SPEN: variants seen among roughly 807,000 people sequenced by gnomAD.
SPEN encodes the protein spen family transcriptional repressor.
SPEN carries 18 observed loss-of-function variants against 269.9 expected under a neutral mutation model. That is an observed-to-expected ratio of 0.07 (90% CI 0.05 to 0.10). The LOEUF (loss-of-function observed/expected upper bound fraction) is 0.10, where lower values mean the gene tolerates loss of function less well. Ranked by LOEUF, SPEN falls within the 10% of genes least tolerant of loss-of-function variation. The probability of loss-of-function intolerance (pLI) is 1.00; values close to 1 mark genes in which losing one functional copy is unlikely to be tolerated. For synonymous variants in SPEN, 1,726 were observed against 1,765.7 expected (o/e 0.98, Z 0.56); for missense variants, 3,822 against 4,631.2 (o/e 0.83, Z 5.07).
chr1:15,898,309 A>C (rs2148722597), intron 3 of SPEN, among the ~76,000 whole-genome samples: 1 of 152,122 alleles, frequency 6.6e-6, no homozygotes, highest in Non-Finnish European at 1.5e-5. Flanking sequence ...ATCTATCTCC[A>C]GAACTTTTTC....
intron 3 of SPEN, 54 bp downstream of exon 3, chr1:15,876,732 A>C: frequency 2.9e-4 from 369 of 1,286,480 alleles, no homozygotes; most frequent in Non-Finnish European, 3.7e-4. Flanking sequence ...ACAAATTCTC[A>C]ACAATCAGTG....
chr1:15,938,926 G>A, intron 14 of SPEN, 50 bp downstream of exon 14: 2 of 1,590,358 alleles, frequency 1.3e-6, no homozygotes, highest in Non-Finnish European at 1.7e-6. Context: ...AGGTGGGGCT[G>A]ATCAGGGTAG....
intron 10 of SPEN, among the ~76,000 whole-genome samples, chr1:15,926,378 T>TATAC (rs1302208160): frequency 1.4e-5 from 2 of 143,476 alleles, no homozygotes; most frequent in Admixed American, 7.0e-5. Flanking sequence ...AGCTCAGATA[T>TATAC]ATACATACAC....
chr1:15,910,620 GTTTTTTGTTTT>G (rs2071003242), intron 4 of SPEN, among the ~76,000 whole-genome samples: 1 of 145,296 alleles, frequency 6.9e-6, no homozygotes, highest in South Asian at 2.1e-4. Flanking sequence ...CTTTCCTACT[GTTTTTTGTTTT>G]TTTTTTTACC....
chr1:15,859,204 G>A (rs1182808826), intron 1 of SPEN, among the ~76,000 whole-genome samples: 9 of 147,428 alleles, frequency 6.1e-5, no homozygotes, highest in Non-Finnish European at 1.3e-4. Flanking sequence ...CAGTGCAGTG[G>A]CTATACACAG....
rs2071225059 is a variant in SPEN at position 15,931,941 on chromosome 1, C to T, written c.5701C>T (p.Arg1901Cys). Residue 1901 changes from arginine (R) to cysteine (C), a missense_variant, in exon 11 of 15, where the codon CGC (arginine) becomes TGC (cysteine). Coordinates refer to ENST00000375759, the MANE Select transcript of SPEN (RefSeq NM_015001.3). The surrounding 1 kb of genome is among the most constrained non-coding windows in gnomAD (Gnocchi z 4.8). ...EPSLPLSRTRRRNVRSVYATM... is the reference protein window; with the variant it reads ...EPSLPLSRTRCRNVRSVYATM... ...AAGTTTGCCTCTCAGCCGAACAAGG[C>T]GCCGGAATGTAAGGAGCGTCTATGC... is the stretch of plus-strand genomic sequence containing the variant. The T allele has an allele frequency of 2.5e-6, 4 of 1,614,042 alleles. No homozygotes were observed. Among genetic ancestry groups the T allele is most frequent in the African/African-American group, 1.3e-5 (1 of 74,912 alleles).
chr1:15,930,463 T>C lies in SPEN; in HGVS notation c.4223T>C (p.Leu1408Ser). 6.2e-7 allele frequency: 1 copy of C among 1,614,204 alleles called. No individual in the cohort carries two copies. The highest frequency in any genetic ancestry group is 8.5e-7 in the Non-Finnish European group (1 of 1,180,032). ...LYESSRLSFL[L>S]RDREDKLRER... The stretch of plus-strand genomic sequence containing the variant: ...GAAAGTTCTCGATTGTCTTTTTTAT[T>C]GAGGGACAGAGAAGACAAGCTACGT... The change falls in exon 11 of 15, where the codon TTG (leucine) becomes TCG (serine). Residue 1408 changes from leucine (L) to serine (S), a missense_variant. By Grantham distance (145) the Leu-to-Ser change is moderately radical. Transcript: ENST00000375759. The surrounding 1 kb of genome is among the most constrained non-coding windows in gnomAD (Gnocchi z 5.3).
intron 1 of SPEN, among the ~76,000 whole-genome samples, chr1:15,865,624 G>A (rs2070498573): frequency 1.3e-5 from 2 of 151,344 alleles, no homozygotes; most frequent in Admixed American, 1.3e-4. Flanking sequence ...GGGTTTCACC[G>A]TATTGCCCCC....
rs1272841956 is a variant in SPEN at position 15,939,659 on chromosome 1, A to G, written c.*232A>G. 4 of 398,610 alleles carry G rather than the reference A, an allele frequency of 1.0e-5. No homozygotes were observed. Among genetic ancestry groups the G allele is most frequent in the Non-Finnish European group, 1.7e-5 (4 of 228,628 alleles). 24.7% of individuals were successfully genotyped at this position (398,610 alleles called of 1,614,324 possible). On this transcript the variant is annotated 3_prime_UTR_variant, in exon 15 of 15. Coordinates refer to ENST00000375759, the MANE Select transcript of SPEN (RefSeq NM_015001.3). The surrounding 1 kb of genome is among the most constrained non-coding windows in gnomAD (Gnocchi z 4.1). Reference sequence around the variant, plus strand: ...TAGCCCAAGGACACATCACCAACCCATGGACTCGCAGACACCGGGGCTGGG... The same window carrying G: ...TAGCCCAAGGACACATCACCAACCCGTGGACTCGCAGACACCGGGGCTGGG...
chr1:15,861,257 A>C (rs2070445458), intron 1 of SPEN, among the ~76,000 whole-genome samples: 2 of 150,066 alleles, frequency 1.3e-5, no homozygotes, highest in African/African-American at 2.5e-5. Flanking sequence ...TCAGCCTCCC[A>C]AGTACCTAGG....
At position 15,930,338 on chromosome 1, in the gene SPEN, A is replaced by T; in HGVS notation, c.4098A>T (p.Arg1366=). 6.2e-7 allele frequency: 1 copy of T among 1,613,776 alleles called. No individual in the cohort carries two copies. The highest frequency in any genetic ancestry group is 1.1e-5 in the South Asian group (1 of 91,036). The stretch of plus-strand genomic sequence containing the variant: ...GCATAATTAAGAGAGATAGCCTTCG[A>T]AAAAGGTCTGTACGAGATCTGGAAC... ...PNSIIKRDSL[R]KRSVRDLEPG... The change falls in exon 11 of 15, where the codon CGA becomes CGT. Residue 1366 remains arginine, a synonymous_variant. Transcript: ENST00000375759. This position sits in a 1 kb window ranked among gnomAD's most constrained non-coding sequence, Gnocchi z 5.3.
intron 1 of SPEN, among the ~76,000 whole-genome samples, chr1:15,849,238 G>A (rs991015003): frequency 2.0e-5 from 3 of 152,198 alleles, no homozygotes; most frequent in Non-Finnish European, 4.4e-5. Flanking sequence ...GACCCTGGAA[G>A]GTTTTAAGTT....
chr1:15,874,956 C>CT (rs1235230899), intron 2 of SPEN, among the ~76,000 whole-genome samples: 1 of 152,114 alleles, frequency 6.6e-6, no homozygotes, highest in Non-Finnish European at 1.5e-5. Flanking sequence ...TAAGCATGTA[C>CT]TGGGGATCTG....
chr1:15,885,828 G>A (rs2070731686), intron 3 of SPEN, among the ~76,000 whole-genome samples: 1 of 152,182 alleles, frequency 6.6e-6, no homozygotes, highest in Non-Finnish European at 1.5e-5. Flanking sequence ...CCCATCAGTG[G>A]CAGACAAACT....
chr1:15,883,932 C>G (rs2070712693), intron 3 of SPEN, among the ~76,000 whole-genome samples: 1 of 151,370 alleles, frequency 6.6e-6, no homozygotes, highest in Admixed American at 6.6e-5. Flanking sequence ...GCCTCAGCCT[C>G]CCGAGTAGCT....
Position 15,848,238 on chromosome 1 carries a change from G to A in SPEN, c.83+88G>A. On this transcript the variant is annotated intron_variant, in intron 1 of 14. Transcript: ENST00000375759. This position sits in a 1 kb window ranked among gnomAD's most constrained non-coding sequence, Gnocchi z 5.1. Reference sequence around the variant, plus strand: ...TTGCCGGCCCCTCCCGGAGCGCGGAGCTGGTGAGGAGGACTCCGGCCCGGA... The same window carrying A: ...TTGCCGGCCCCTCCCGGAGCGCGGAACTGGTGAGGAGGACTCCGGCCCGGA... The A allele has an allele frequency of 1.0e-6, 1 of 997,056 alleles. No homozygotes were observed. Among genetic ancestry groups the A allele is most frequent in the Non-Finnish European group, 1.4e-6 (1 of 714,630 alleles). The allele number at this position is 997,056 out of a possible 1,614,324, so 61.8% of individuals were successfully genotyped here.
Position 15,932,557 on chromosome 1 carries a change from C to T in SPEN, c.6317C>T (p.Ala2106Val), listed in dbSNP as rs771321498. 31 of 1,598,820 alleles carry T rather than the reference C, an allele frequency of 1.9e-5. No homozygotes were observed. The highest frequency in any genetic ancestry group is 2.6e-5 in the Non-Finnish European group (30 of 1,171,038). Reference protein sequence around the residue: ...VDAAVSPRGAAAQAGERESGV... With the variant: ...VDAAVSPRGAVAQAGERESGV... The stretch of plus-strand genomic sequence containing the variant: ...GCTGCTGTCAGTCCCAGGGGGGCTG[C>T]AGCACAGGCAGGGGAGAGGGAATCT... The change falls in exon 11 of 15, where the codon GCA (alanine) becomes GTA (valine). Residue 2106 changes from alanine (A) to valine (V), a missense_variant. This residue lies in a region of SPEN where 727 missense variants were observed against 737.9 expected (regional missense o/e 0.99). Coordinates refer to ENST00000375759, the MANE Select transcript of SPEN (RefSeq NM_015001.3). This position sits in a 1 kb window ranked among gnomAD's most constrained non-coding sequence, Gnocchi z 4.2.
At chr1:15,892,509 A>T (rs2070800045) in intron 3 of SPEN, among the ~76,000 whole-genome samples, 1 of 152,094 alleles carries the variant, frequency 6.6e-6, no homozygotes, top group South Asian at 2.1e-4. Context: ...TTCTTTTTTT[A>T]AATTCCCTAA....
At chr1:15,923,157 A>G (rs907080885) in intron 10 of SPEN, among the ~76,000 whole-genome samples, 1 of 152,230 alleles carries the variant, frequency 6.6e-6, no homozygotes, top group Non-Finnish European at 1.5e-5. Context: ...GTCAAAGTGA[A>G]TCAATAAGCC....
Sources: gnomAD v4.1 joint callset for allele counts (sites outside exome capture counted in the v4.1 genomes callset) on GRCh38, gnomAD v4.1.1 for gene constraint, gnomAD v4.1.1 regional missense constraint, Gnocchi (gnomAD v3.1) non-coding constraint, MANE v1.5 for transcripts, NCBI Gene and HGNC (gene_info 2026-07-23, HGNC 2026-07-21) for gene names.